NDST4: variants seen among roughly 807,000 people sequenced by gnomAD.
NDST4 encodes the protein N-deacetylase and N-sulfotransferase 4.
In NDST4, 63 loss-of-function variants were observed where a neutral mutation model predicts 100.8. The observed-to-expected ratio is 0.62, with a 90% CI of 0.51 to 0.77. The LOEUF (loss-of-function observed/expected upper bound fraction) is 0.77. NDST4 is among the 30% of genes least tolerant of loss of function. The pLI, the probability that NDST4 is intolerant of heterozygous loss-of-function variation, is 0.00. For missense variants in NDST4, 943 were observed against 1,018.4 expected, an observed-to-expected ratio of 0.93 and a Z score of 1.01; for synonymous variants, 377 against 361.8, an observed-to-expected ratio of 1.04 and a Z score of -0.48.
At chr4:115,085,025 G>A (rs28854031) in intron 1 of NDST4, among the ~76,000 whole-genome samples, 3,098 of 152,304 alleles carry the variant, frequency 0.02, 112 homozygotes, top group African/African-American at 0.071. Context: ...CAGATGTGAG[G>A]GGGGCTGTAC....
chr4:114,890,959 C>T (rs1724581198), intron 6 of NDST4, among the ~76,000 whole-genome samples: 1 of 152,024 alleles, frequency 6.6e-6, no homozygotes, highest in African/African-American at 2.4e-5. Context: ...ATGTTTTCCC[C>T]AGGAACTGAC....
chr4:114,954,675 T>G (rs940652252), intron 4 of NDST4, among the ~76,000 whole-genome samples: 1 of 152,176 alleles, frequency 6.6e-6, no homozygotes, highest in Non-Finnish European at 1.5e-5. Flanking sequence ...TTTTATAATT[T>G]GTTCTTAAAA....
At chr4:115,100,120 G>C (rs1224697237) in intron 1 of NDST4, among the ~76,000 whole-genome samples, 2 of 152,058 alleles carry the variant, frequency 1.3e-5, no homozygotes, top group Non-Finnish European at 2.9e-5. Flanking sequence ...CAAAACTATA[G>C]AGTGAGTGAA....
chr4:114,854,776 T>A (rs953484621), intron 7 of NDST4, among the ~76,000 whole-genome samples: 6 of 152,202 alleles, frequency 3.9e-5, no homozygotes, highest in Admixed American at 6.5e-5. Context: ...CTTTCTTTTT[T>A]AGAATATTTT....
chr4:115,018,895 C>A (rs1308957911), intron 2 of NDST4, among the ~76,000 whole-genome samples: 1 of 151,838 alleles, frequency 6.6e-6, no homozygotes, highest in Non-Finnish European at 1.5e-5. Flanking sequence ...AAAATTGCAT[C>A]AAAGCTACAT....
chr4:114,995,516 G>T (rs994636345), intron 2 of NDST4, among the ~76,000 whole-genome samples: 2 of 152,000 alleles, frequency 1.3e-5, no homozygotes, highest in African/African-American at 2.4e-5. Context: ...ATAAGCATCT[G>T]ACTTAGACAT....
chr4:114,939,531 G>T (rs1396724315), intron 4 of NDST4, among the ~76,000 whole-genome samples: 3 of 151,994 alleles, frequency 2.0e-5, no homozygotes, highest in African/African-American at 7.3e-5. Flanking sequence ...TTGGGGCCTA[G>T]AAGGTTAGAT....
chr4:114,974,759 G>A (rs1726592340), intron 3 of NDST4, among the ~76,000 whole-genome samples: 1 of 152,128 alleles, frequency 6.6e-6, no homozygotes, highest in Non-Finnish European at 1.5e-5. Flanking sequence ...CCCTTTTGAG[G>A]TGAGATTGTT....
chr4:115,053,572 T>G (rs1267378960), intron 2 of NDST4, among the ~76,000 whole-genome samples: 1 of 152,134 alleles, frequency 6.6e-6, no homozygotes, highest in Non-Finnish European at 1.5e-5. Context: ...TGTGTACTTT[T>G]GATGTTTGAA....
chr4:114,917,849 T>C (rs76858393), intron 6 of NDST4, among the ~76,000 whole-genome samples: 7,819 of 152,258 alleles, frequency 0.051, 673 homozygotes, highest in African/African-American at 0.18. Flanking sequence ...GTCTCAACTT[T>C]ACATGGTTGA....
At chr4:114,909,686 A>G (rs956265434) in intron 6 of NDST4, among the ~76,000 whole-genome samples, 8 of 151,012 alleles carry the variant, frequency 5.3e-5, no homozygotes, top group Non-Finnish European at 1.0e-4. Context: ...AAAAAAAAAA[A>G]AAAGAAAGCT....
intron 2 of NDST4, among the ~76,000 whole-genome samples, chr4:115,039,936 C>T (rs918522351): frequency 2.6e-5 from 4 of 151,890 alleles, no homozygotes; most frequent in Non-Finnish European, 4.4e-5. Flanking sequence ...AACATTTATA[C>T]GCAACCAATA....
At chr4:115,032,837 G>A (rs1003869544) in intron 2 of NDST4, among the ~76,000 whole-genome samples, 2 of 151,880 alleles carry the variant, frequency 1.3e-5, no homozygotes, top group African/African-American at 4.8e-5. Context: ...CTAATGATGT[G>A]TTTTGAGTTT....
At chr4:114,929,549 C>T (rs1295580266) in intron 6 of NDST4, among the ~76,000 whole-genome samples, 1 of 152,130 alleles carries the variant, frequency 6.6e-6, no homozygotes, top group African/African-American at 2.4e-5. Flanking sequence ...TTTACAATGA[C>T]AAAGCAAGTA....
At chr4:115,052,191 T>C (rs1728597219) in intron 2 of NDST4, among the ~76,000 whole-genome samples, 1 of 152,190 alleles carries the variant, frequency 6.6e-6, no homozygotes, top group Admixed American at 6.6e-5. Context: ...TTACATAAAT[T>C]CAAACAGAAA....
At chr4:115,104,206 G>A (rs1317632002) in intron 1 of NDST4, among the ~76,000 whole-genome samples, 1 of 152,074 alleles carries the variant, frequency 6.6e-6, no homozygotes, top group African/African-American at 2.4e-5. Context: ...GCAAAACTTA[G>A]AATATAGTTT....
intron 7 of NDST4, among the ~76,000 whole-genome samples, chr4:114,866,711 G>A (rs1724034210): frequency 6.6e-6 from 1 of 152,080 alleles, no homozygotes; most frequent in Non-Finnish European, 1.5e-5. Context: ...GGTAAGTGCA[G>A]TAATATAATT....
intron 7 of NDST4, among the ~76,000 whole-genome samples, chr4:114,869,932 A>C (rs1445378478): frequency 6.6e-6 from 1 of 152,126 alleles, no homozygotes; most frequent in Admixed American, 6.6e-5. Flanking sequence ...AACAGTCTTG[A>C]CCAGAGGGAG....
At chr4:114,992,616 G>C (rs76067659) in intron 2 of NDST4, among the ~76,000 whole-genome samples, 1 of 150,638 alleles carries the variant, frequency 6.6e-6, no homozygotes, top group African/African-American at 2.4e-5. Context: ...ACAAAACTCA[G>C]ATAGAAAATA....
Sources: allele counts gnomAD v4.1 joint callset (sites outside exome capture counted in the v4.1 genomes callset), GRCh38; gene constraint gnomAD v4.1.1; transcripts MANE v1.5; gene names NCBI Gene and HGNC (gene_info 2026-07-23, HGNC 2026-07-21).